Variants in NPY1R observed in about 807,000 individuals in gnomAD.
NPY1R encodes the protein neuropeptide Y receptor type 1.
In NPY1R, 10 loss-of-function variants were observed where a neutral mutation model predicts 24.1. The ratio of observed to expected loss-of-function variants is 0.42; its 90% confidence interval spans 0.26 to 0.71. NPY1R has a LOEUF of 0.71. Ranked by LOEUF, NPY1R falls within the 30% of genes least tolerant of loss-of-function variation. NPY1R has a pLI of 0.28. For missense variants in NPY1R, 350 were observed against 458.0 expected (o/e 0.76, Z 2.15); for synonymous variants, 168 against 165.9 (o/e 1.01, Z -0.10).
At chr4:163,338,278 C>T (rs1219416655) in intron 1 of NPY1R, among the ~76,000 whole-genome samples, 3 of 152,278 alleles carry the variant, frequency 2.0e-5, no homozygotes, top group South Asian at 2.1e-4. Flanking sequence ...CAAAATCTCA[C>T]GCATCTAATT....
chr4:163,332,638 C>A (rs1189380646), upstream of NPY1R: 1 of 152,548 alleles, frequency 6.6e-6, no homozygotes, highest in Non-Finnish European at 1.5e-5. Flanking sequence ...CCGAACTCCA[C>A]CTCATCCCGG....
chr4:163,333,346 A>G (rs1032440936), upstream of NPY1R, among the ~76,000 whole-genome samples: 17 of 152,156 alleles, frequency 1.1e-4, no homozygotes, highest in Non-Finnish European at 2.5e-4. Flanking sequence ...TACACCGAGT[A>G]CGTTGAAGGC....
chr4:163,342,233 T>A (rs10030118), intron 1 of NPY1R, among the ~76,000 whole-genome samples: 129,749 of 152,238 alleles, frequency 0.85, 55,974 homozygotes, highest in East Asian at 0.99. Flanking sequence ...TAAGATTTTT[T>A]AATACTTTTA....
chr4:163,337,047 C>T (rs868110775), upstream of NPY1R, among the ~76,000 whole-genome samples: 5 of 152,136 alleles, frequency 3.3e-5, no homozygotes, highest in Middle Eastern at 6.8e-3. Flanking sequence ...AAAAATGGCA[C>T]GAAATGTTCT....
intron 1 of NPY1R, among the ~76,000 whole-genome samples, chr4:163,330,317 G>A (rs1179618827): frequency 6.6e-6 from 1 of 152,318 alleles, no homozygotes; most frequent in South Asian, 2.1e-4. Context: ...CATGCCCAAT[G>A]AGGAAGCATT....
At chr4:163,334,968 C>T (rs989577024), upstream of NPY1R, among the ~76,000 whole-genome samples, 23 of 150,936 alleles carry the variant, frequency 1.5e-4, no homozygotes, top group Non-Finnish European at 2.9e-4. Flanking sequence ...AGAAATTAGA[C>T]ATGGTCCAAT....
Position 163,329,601 on chromosome 4 carries a change from A to G in NPY1R, c.-152+2881T>C, listed in dbSNP as rs371524694. Among the ~76,000 whole-genome samples, 16 of 143,080 alleles carry G rather than the reference A, an allele frequency of 1.1e-4. 1 individual carries two copies. The highest frequency in any genetic ancestry group is 4.0e-4 in the African/African-American group (16 of 39,756). The allele number at this position is 143,080 out of a possible 152,430, so 93.9% of individuals were successfully genotyped here. Reference sequence around the variant, plus strand: ...GGGTGACAGAGCAAGACTCCGTCTCAAAAAAAAAAAAAGAAAGAGAAACTG... The same window carrying G: ...GGGTGACAGAGCAAGACTCCGTCTCGAAAAAAAAAAAAGAAAGAGAAACTG... On this transcript the variant is annotated intron_variant, in intron 1 of 2. Coordinates refer to ENST00000296533, the MANE Select transcript of NPY1R (RefSeq NM_000909.6).
At chr4:163,343,040 T>A in intron 1 of NPY1R, among the ~76,000 whole-genome samples, 1 of 143,636 alleles carries the variant, frequency 7.0e-6, no homozygotes, top group East Asian at 2.2e-4. Flanking sequence ...CTAAAGTACC[T>A]GCCACCTAAT....
At chr4:163,325,780 A>G (rs761959645) in intron 2 of NPY1R, 22 bp from the exon 3 acceptor site, 2 of 1,567,072 alleles carry the variant, frequency 1.3e-6, no homozygotes, top group Non-Finnish European at 1.7e-6. Flanking sequence ...AAAAGTTTAA[A>G]TAGAAACACT....
intron 1 of NPY1R, chr4:163,330,868 T>C (rs1734709788): frequency 6.6e-6 from 1 of 152,250 alleles, no homozygotes; most frequent in Admixed American, 6.5e-5. Flanking sequence ...TACTCAGGAT[T>C]GGCTGGCTGT....
At chr4:163,343,088 T>C (rs1321159156) in intron 1 of NPY1R, among the ~76,000 whole-genome samples, 1 of 151,180 alleles carries the variant, frequency 6.6e-6, no homozygotes, top group African/African-American at 2.4e-5. Flanking sequence ...GCAATACAGA[T>C]TTGGAAACAT....
chr4:163,331,317 C>G (rs974997994), intron 1 of NPY1R, among the ~76,000 whole-genome samples: 7 of 152,052 alleles, frequency 4.6e-5, no homozygotes, highest in Admixed American at 2.6e-4. Flanking sequence ...AACACACTCT[C>G]TTTTGCTCCT....
At chr4:163,339,184 G>T (rs141286190) in intron 1 of NPY1R, among the ~76,000 whole-genome samples, 1 of 152,064 alleles carries the variant, frequency 6.6e-6, no homozygotes, top group African/African-American at 2.4e-5. Flanking sequence ...GCAGTCATAC[G>T]AAACCATTTA....
upstream of NPY1R, among the ~76,000 whole-genome samples, chr4:163,336,271 C>A (rs1361600891): frequency 6.6e-6 from 1 of 151,966 alleles, no homozygotes; most frequent in African/African-American, 2.4e-5. Context: ...TTCTGCATGC[C>A]TTATACTTTC....
upstream of NPY1R, chr4:163,332,711 A>G (rs1210597079): frequency 1.3e-5 from 2 of 152,342 alleles, no homozygotes; most frequent in Non-Finnish European, 2.9e-5. Context: ...ACACCTCACA[A>G]AGGTGCACAC....
chr4:163,328,087 G>GGTTTT (rs1553970550), intron 1 of NPY1R, among the ~76,000 whole-genome samples: 2 of 57,340 alleles, frequency 3.5e-5, no homozygotes, highest in Non-Finnish European at 3.8e-5. Flanking sequence ...TAGAACATGA[G>GGTTTT]TTTTTTTTTT....
At chr4:163,340,074 T>C (rs998753581) in intron 1 of NPY1R, among the ~76,000 whole-genome samples, 5 of 152,084 alleles carry the variant, frequency 3.3e-5, no homozygotes, top group African/African-American at 4.8e-5. Context: ...AAACAAACCG[T>C]TTCCCTTTCA....
At chr4:163,334,101 T>C (rs944977735), upstream of NPY1R, among the ~76,000 whole-genome samples, 1 of 152,144 alleles carries the variant, frequency 6.6e-6, no homozygotes, top group African/African-American at 2.4e-5. Context: ...TAACTAATAT[T>C]CATTCAGGTT....
At position 163,342,957 on chromosome 4, in the gene NPY1R, TTCTCTC is replaced by T. The variant is rs111227651; in HGVS notation, c.-152+1342_-152+1347del. Among the ~76,000 whole-genome samples, 87 of 133,386 alleles carry T rather than the reference TTCTCTC, an allele frequency of 6.5e-4. No individual in the cohort carries two copies. The South Asian group carries it at 0.02, about 30-fold the overall frequency. 87.5% of individuals were successfully genotyped at this position (133,386 alleles called of 152,430 possible). The stretch of plus-strand genomic sequence containing the variant: ...AATGTCTCTTTTCTCCCTTCTCTCC[TTCTCTC>T]TCTCTCTCTCTCTCACAGACACACA... On this transcript the variant is annotated intron_variant, in intron 1 of 1. Transcript: ENST00000511901.
Sources: allele counts gnomAD v4.1 joint callset (sites outside exome capture counted in the v4.1 genomes callset), GRCh38; gene constraint gnomAD v4.1.1; transcripts MANE v1.5; gene names NCBI Gene and HGNC (gene_info 2026-07-23, HGNC 2026-07-21).